Variants in ELF2 observed in about 807,000 individuals in gnomAD.
The protein encoded by ELF2 is ETS-related transcription factor Elf-2.
ELF2 carries 11 observed loss-of-function variants against 54.8 expected under a neutral mutation model. The ratio of observed to expected loss-of-function variants is 0.20; its 90% CI spans 0.13 to 0.33. The LOEUF (loss-of-function observed/expected upper bound fraction) is 0.33. Ranked by LOEUF, ELF2 falls within the 10% of genes least tolerant of loss-of-function variation. ELF2 has a pLI of 1.00. For missense variants in ELF2, 513 were observed against 703.0 expected, an observed-to-expected ratio of 0.73 and a Z score of 3.06; for synonymous variants, 203 against 245.1, an observed-to-expected ratio of 0.83 and a Z score of 1.61.
At chr4:139,132,340 T>C (rs1737574375) in intron 3 of ELF2, among the ~76,000 whole-genome samples, 1 of 152,188 alleles carries the variant, frequency 6.6e-6, no homozygotes, top group Non-Finnish European at 1.5e-5. Context: ...TTTTCACAAA[T>C]GTAAACATCC....
At chr4:139,134,078 T>A (rs1737842402) in intron 3 of ELF2, among the ~76,000 whole-genome samples, 1 of 152,232 alleles carries the variant, frequency 6.6e-6, no homozygotes. Context: ...AACCATTAAG[T>A]ATGATGTTGG....
intron 4 of ELF2, chr4:139,115,251 C>T: frequency 3.1e-6 from 5 of 1,608,942 alleles, no homozygotes; most frequent in African/African-American, 1.3e-5. Flanking sequence ...CCGCGCCGCC[C>T]GGGCCCTCTC....
At chr4:139,114,936 C>T (rs1735469256) in intron 4 of ELF2, 2 of 1,613,300 alleles carry the variant, frequency 1.2e-6, no homozygotes, top group East Asian at 2.2e-5. Flanking sequence ...ACCCTCACTT[C>T]TTCTGGGGTG....
intron 9 of ELF2, among the ~76,000 whole-genome samples, 166 bp from the exon 10 acceptor site, chr4:139,059,773 AT>A (rs1270213955): frequency 6.6e-6 from 1 of 152,156 alleles, no homozygotes; most frequent in African/African-American, 2.4e-5. Flanking sequence ...ACCATGATAT[AT>A]TTTAAAAACT....
intron 4 of ELF2, chr4:139,084,567 A>G (rs1731759134): frequency 5.9e-6 from 2 of 339,296 alleles, no homozygotes; most frequent in Admixed American, 6.3e-5. Context: ...GCCTGCGGCG[A>G]GAGACACCTG....
intron 4 of ELF2, among the ~76,000 whole-genome samples, chr4:139,083,664 G>A (rs1170063918): frequency 6.6e-6 from 1 of 152,218 alleles, no homozygotes; most frequent in African/African-American, 2.4e-5. Context: ...CGGGGGTGGC[G>A]AGCGTTCGCC....
intron 1 of ELF2, among the ~76,000 whole-genome samples, chr4:139,162,360 C>T (rs918790052): frequency 4.6e-5 from 7 of 151,842 alleles, no homozygotes; most frequent in African/African-American, 9.7e-5. Flanking sequence ...GGTGAAACCC[C>T]GTCTCTACTA....
chr4:139,086,795 G>A (rs762715372), intron 4 of ELF2, among the ~76,000 whole-genome samples: 14 of 152,188 alleles, frequency 9.2e-5, no homozygotes, highest in Non-Finnish European at 1.9e-4. Flanking sequence ...TATATACAGT[G>A]GGTATAATTA....
chr4:139,133,962 ACTT>A (rs1220301934), intron 3 of ELF2, among the ~76,000 whole-genome samples: 9 of 152,212 alleles, frequency 5.9e-5, no homozygotes, highest in African/African-American at 2.2e-4. Context: ...CAGTTTTACT[ACTT>A]CTCAAACGTG....
chr4:139,134,579 G>T lies in ELF2; in HGVS notation c.72+3051C>A, dbSNP rs1344827702. 3.4e-4 allele frequency among the ~76,000 whole-genome samples: 50 copies of T among 145,076 alleles called. No individual in the cohort carries two copies. In the Middle Eastern group the frequency reaches 0.011, roughly 31 times the overall value. ...TTTATTTTATGTTATTTTATTTTAT[G>T]TTATATTTATTTTATTTTATTTTAT... On this transcript the variant is annotated intron_variant, in intron 3 of 9. Transcript: ENST00000686138.
chr4:139,083,177 G>A (rs928095938), intron 4 of ELF2, among the ~76,000 whole-genome samples: 2 of 138,594 alleles, frequency 1.4e-5, no homozygotes, highest in Non-Finnish European at 3.2e-5. Flanking sequence ...TGTGGTGGGA[G>A]GTTTGGGGGG....
chr4:139,079,122 G>T (rs895629858), intron 4 of ELF2, among the ~76,000 whole-genome samples: 5 of 151,808 alleles, frequency 3.3e-5, no homozygotes, highest in Admixed American at 2.6e-4. Context: ...AGAGACGAGG[G>T]TCTCACTATG....
rs768173264 is a variant in ELF2 at position 139,059,113 on chromosome 4, A to G, written c.1652T>C (p.Leu551Ser). 2.3e-5 allele frequency: 37 copies of G among 1,613,868 alleles called. 2 individuals carry two copies. The South Asian group carries it at 2.6e-4, about 11-fold the overall frequency. The change falls in exon 10 of 10, where the codon TTG becomes TCG. Residue 551 changes from leucine to serine, a missense_variant. Around this residue, in one of 3 missense-constraint regions of ELF2, gnomAD observed 291 missense variants for 366.1 expected, o/e 0.79. Coordinates refer to ENST00000686138, the MANE Select transcript of ELF2 (RefSeq NM_001331036.3). ...TGCTGGTTTTTCTTCTACTAGCTGC[A>G]AAGTTTTCACATCATGTTCTTGCTT... ...AKKQEHDVKT[L>S]QLVEEKPADG...
At chr4:139,065,950 A>G (rs1282206133) in intron 7 of ELF2, 2 of 151,874 alleles carry the variant, frequency 1.3e-5, no homozygotes, top group Non-Finnish European at 2.9e-5. Context: ...GGAAATAAGA[A>G]AAGTATCCTA....
chr4:139,129,185 G>A (rs1265448169), intron 3 of ELF2, among the ~76,000 whole-genome samples: 2 of 151,978 alleles, frequency 1.3e-5, no homozygotes, highest in Admixed American at 1.3e-4. Context: ...TGATCCGCCC[G>A]CCTCAGCCTC....
chr4:139,140,428 T>C (rs1262442344), intron 1 of ELF2, among the ~76,000 whole-genome samples: 3 of 152,150 alleles, frequency 2.0e-5, no homozygotes, highest in South Asian at 2.1e-4. Context: ...TCCCTCAACA[T>C]ATAAGCATTT....
intron 4 of ELF2, among the ~76,000 whole-genome samples, chr4:139,123,458 TAAG>T (rs1042852846): frequency 6.9e-4 from 105 of 152,252 alleles, no homozygotes; most frequent in African/African-American, 2.4e-3. Flanking sequence ...TCAAGAAGAC[TAAG>T]AAAATAAAAT....
At chr4:139,164,133 A>AG (rs1292725988) in intron 1 of ELF2, among the ~76,000 whole-genome samples, 1 of 148,196 alleles carries the variant, frequency 6.7e-6, no homozygotes, top group East Asian at 2.0e-4. Flanking sequence ...AGAGAGAAAG[A>AG]GAAAGAAGAG....
intron 4 of ELF2, among the ~76,000 whole-genome samples, chr4:139,116,158 A>G (rs1267483224): frequency 6.6e-6 from 1 of 152,216 alleles, no homozygotes; most frequent in Non-Finnish European, 1.5e-5. Flanking sequence ...TCTTTTATCT[A>G]ATAATACTGT....
Sources: allele counts gnomAD v4.1 joint callset (sites outside exome capture counted in the v4.1 genomes callset), GRCh38; gene constraint gnomAD v4.1.1; regional missense constraint gnomAD v4.1.1; transcripts MANE v1.5; gene names NCBI Gene and HGNC (gene_info 2026-07-23, HGNC 2026-07-21).